Variants in LUZP2 observed in about 807,000 individuals in gnomAD.
The protein encoded by LUZP2 is leucine zipper protein 2.
LUZP2 carries 52 observed loss-of-function variants against 51.6 expected under a neutral mutation model. The ratio of observed to expected loss-of-function variants is 1.01; its 90% CI spans 0.81 to 1.27. LUZP2 has a LOEUF of 1.27. Among genes scored for constraint, LUZP2 ranks in the 50% most tolerant of loss-of-function variants. The probability of loss-of-function intolerance (pLI) is 0.00; values close to 1 mark genes in which losing one functional copy is unlikely to be tolerated. For missense variants in LUZP2, 436 were observed against 395.4 expected (o/e 1.10, Z -0.87); for synonymous variants, 154 against 137.3 (o/e 1.12, Z -0.85).
At chr11:25,009,889 T>A (rs765392419) in intron 9 of LUZP2, among the ~76,000 whole-genome samples, 1 of 152,178 alleles carries the variant, frequency 6.6e-6, no homozygotes, top group Non-Finnish European at 1.5e-5. Flanking sequence ...CCATGACCTT[T>A]CCTTTCCCCT....
chr11:24,732,747 A>C (rs1257503507), intron 3 of LUZP2, among the ~76,000 whole-genome samples: 1 of 151,768 alleles, frequency 6.6e-6, no homozygotes. Flanking sequence ...AGCCAAAAAA[A>C]GAAAAACAAG....
Position 25,077,374 on chromosome 11 carries a change from A to G in LUZP2, c.904A>G (p.Asn302Asp). Reference protein sequence around the residue: ...SMKHKESPPSNATAETEPIPQ... With the variant: ...SMKHKESPPSDATAETEPIPQ... ...GAAGCACAAAGAAAGTCCCCCAAGT[A>G]ATGCCACTGCAGAAACCGAGCCTAT... Residue 302 changes from asparagine (N) to aspartate (D), a missense_variant, in exon 11 of 12, where the codon AAT (asparagine) becomes GAT (aspartate). Coordinates refer to ENST00000336930, the MANE Select transcript of LUZP2 (RefSeq NM_001009909.4). 1 of 1,613,174 alleles carries G rather than the reference A, an allele frequency of 6.2e-7. No homozygotes were observed. The highest frequency in any genetic ancestry group is 8.5e-7 in the Non-Finnish European group (1 of 1,179,336).
intron 5 of LUZP2, chr11:24,893,239 C>T (rs2133762125): frequency 6.6e-6 from 1 of 152,030 alleles, no homozygotes; most frequent in South Asian, 2.1e-4. Context: ...TAAATAATAA[C>T]TACAAGTTGA....
intron 1 of LUZP2, among the ~76,000 whole-genome samples, chr11:24,678,207 G>C (rs915584950): frequency 6.6e-6 from 1 of 152,000 alleles, no homozygotes; most frequent in Non-Finnish European, 1.5e-5. Flanking sequence ...AATGTATCCA[G>C]TGTCCAGGAC....
At chr11:24,963,052 C>G (rs1344415797) in intron 7 of LUZP2, among the ~76,000 whole-genome samples, 7 of 152,214 alleles carry the variant, frequency 4.6e-5, no homozygotes, top group African/African-American at 7.2e-5. Flanking sequence ...GCCTGGGTAT[C>G]AGCAGCGGTG....
chr11:24,560,557 A>T (rs999214831), intron 1 of LUZP2, among the ~76,000 whole-genome samples: 4 of 152,102 alleles, frequency 2.6e-5, no homozygotes, highest in African/African-American at 9.7e-5. Context: ...GTCAGATTCA[A>T]CTCTAGGTGC....
chr11:24,991,931 C>G (rs1405090101), intron 9 of LUZP2, among the ~76,000 whole-genome samples: 3 of 151,518 alleles, frequency 2.0e-5, no homozygotes, highest in Non-Finnish European at 4.4e-5. Context: ...TTTTTCCTTC[C>G]TAATTTGTTT....
chr11:24,912,754 G>A (rs1189113672), intron 6 of LUZP2, among the ~76,000 whole-genome samples: 1 of 152,126 alleles, frequency 6.6e-6, no homozygotes, highest in Non-Finnish European at 1.5e-5. Context: ...AGGTTGCAGT[G>A]AGCTGAGAAT....
At chr11:24,927,328 T>G (rs1163999882) in intron 7 of LUZP2, among the ~76,000 whole-genome samples, 2 of 152,106 alleles carry the variant, frequency 1.3e-5, no homozygotes, top group Non-Finnish European at 2.9e-5. Flanking sequence ...CATGAAGTCT[T>G]TGCCTAAGCC....
intron 9 of LUZP2, among the ~76,000 whole-genome samples, chr11:25,028,275 C>T (rs1213192384): frequency 2.0e-5 from 3 of 151,926 alleles, no homozygotes; most frequent in Non-Finnish European, 2.9e-5. Flanking sequence ...CTGTAATCAC[C>T]CTGTTGTGCT....
At chr11:24,729,335 G>A in intron 2 of LUZP2, 49 bp downstream of exon 2, 3 of 962,622 alleles carry the variant, frequency 3.1e-6, no homozygotes, top group Non-Finnish European at 4.6e-6. Context: ...GCAGTCATCT[G>A]ATTTTCTGAG....
At chr11:24,880,296 C>G (rs546100960) in intron 5 of LUZP2, among the ~76,000 whole-genome samples, 85 of 152,312 alleles carry the variant, frequency 5.6e-4, no homozygotes, top group African/African-American at 2.0e-3. Context: ...TAGACTCTCT[C>G]CACGCCATGA....
chr11:24,799,453 A>T (rs1849633092), intron 5 of LUZP2, among the ~76,000 whole-genome samples: 1 of 151,900 alleles, frequency 6.6e-6, no homozygotes, highest in Admixed American at 6.6e-5. Context: ...AAAATTAGCC[A>T]GGTGTGGTGG....
rs927621285 is a variant in LUZP2, at chr11:24,662,943, T to A, written c.63-66226T>A. On this transcript the variant is annotated intron_variant, in intron 1 of 11. Coordinates refer to ENST00000336930, the MANE Select transcript of LUZP2 (RefSeq NM_001009909.4). The stretch of plus-strand genomic sequence containing the variant: ...TAATCCTTTAAATAAATACAAAAAA[T>A]TCATTAAAATGATTCAGTTGTTTAG... Among the ~76,000 whole-genome samples the A allele has an allele frequency of 5.9e-5, 9 of 151,936 alleles. No individual in the cohort carries two copies. In the South Asian group the frequency reaches 1.0e-3, roughly 18 times the overall value.
At chr11:24,850,587 T>A (rs1028631833) in intron 5 of LUZP2, among the ~76,000 whole-genome samples, 1 of 152,164 alleles carries the variant, frequency 6.6e-6, no homozygotes, top group Non-Finnish European at 1.5e-5. Context: ...TTGCTTAGGA[T>A]TGTCTTGGTG....
At chr11:24,719,186 C>CA (rs201785435) in intron 1 of LUZP2, among the ~76,000 whole-genome samples, 27 of 150,052 alleles carry the variant, frequency 1.8e-4, no homozygotes, top group African/African-American at 4.9e-4. Context: ...ATTAGAAAAG[C>CA]AAAAAAAAGA....
At chr11:24,806,223 C>T (rs1849852583) in intron 5 of LUZP2, among the ~76,000 whole-genome samples, 1 of 152,146 alleles carries the variant, frequency 6.6e-6, no homozygotes. Flanking sequence ...TACAGTGATG[C>T]TCTGAAGTTG....
intron 10 of LUZP2, among the ~76,000 whole-genome samples, chr11:25,057,699 T>C (rs1156472973): frequency 1.3e-5 from 2 of 152,100 alleles, no homozygotes; most frequent in Non-Finnish European, 2.9e-5. Context: ...ATTTAATTTT[T>C]CTTACTGTGC....
At chr11:24,621,030 G>A (rs1239887333) in intron 1 of LUZP2, among the ~76,000 whole-genome samples, 2 of 152,144 alleles carry the variant, frequency 1.3e-5, no homozygotes, top group Non-Finnish European at 2.9e-5. Flanking sequence ...CATATGTCAT[G>A]AGAAGCTTCC....
Sources: gnomAD v4.1 joint callset for allele counts (sites outside exome capture counted in the v4.1 genomes callset) on GRCh38, gnomAD v4.1.1 for gene constraint, MANE v1.5 for transcripts, NCBI Gene and HGNC (gene_info 2026-07-23, HGNC 2026-07-21) for gene names.